The following CCDC27 variants were observed in gnomAD, a reference collection of about 807,000 sequenced individuals.
CCDC27 encodes coiled-coil domain-containing protein 27.
In CCDC27, 80 loss-of-function variants were observed where a neutral mutation model predicts 80.3. The observed-to-expected ratio is 1.00, with a 90% CI of 0.83 to 1.20. The LOEUF is 1.20. CCDC27 is among the 50% of genes most tolerant of loss of function. The pLI is 0.00. For synonymous variants in CCDC27, 342 were observed against 334.3 expected, an observed-to-expected ratio of 1.02 and a Z score of -0.25; for missense variants, 815 against 809.4, an observed-to-expected ratio of 1.01 and a Z score of -0.08.
chr1:3,763,466 T>G lies in CCDC27; in HGVS notation c.1313T>G (p.Leu438Arg). The G allele has an allele frequency of 6.3e-7, 1 of 1,599,256 alleles. No homozygotes were observed. The highest frequency in any genetic ancestry group is 8.5e-7 in the Non-Finnish European group (1 of 1,172,852). The change falls in exon 7 of 12, where the codon CTT becomes CGT. Residue 438 changes from leucine (L) to arginine (R), a missense_variant. Physicochemically the swap from Leu to Arg is moderately radical, Grantham distance 102. Transcript: ENST00000294600. The surrounding 1 kb of genome is among the most constrained non-coding windows in gnomAD (Gnocchi z 7.5). ...GAGGCCACCAGGACCAGATACTCCC[T>G]TGCAACAGGTAGGGCCTCGGCGGGG... ...NLEATRTRYS[L>R]ATGVIASLQQ...
At position 3,771,609 on chromosome 1, in the gene CCDC27, C is replaced by A; in HGVS notation, c.*86C>A. 6.9e-7 allele frequency: 1 copy of A among 1,450,858 alleles called. No individual in the cohort carries two copies. The highest frequency in any genetic ancestry group is 1.2e-5 in the South Asian group (1 of 81,566). 89.9% of individuals were successfully genotyped at this position (1,450,858 alleles called of 1,614,324 possible). A position where few individuals can be genotyped will look rare whatever the true frequency, so the allele number is the denominator to read the frequency against. Reference sequence around the variant, plus strand: ...ACCCGCCCCCACCATGCGTCCTGCTCTCAGACTCAGAATTAAACCCCGGTG... The same window carrying A: ...ACCCGCCCCCACCATGCGTCCTGCTATCAGACTCAGAATTAAACCCCGGTG... On this transcript the variant is annotated 3_prime_UTR_variant, in exon 12 of 12. Transcript: ENST00000294600.
chr1:3,764,903 T>C (rs1011054313), intron 8 of CCDC27, among the ~76,000 whole-genome samples: 1 of 151,868 alleles, frequency 6.6e-6, no homozygotes, highest in African/African-American at 2.4e-5. Context: ...GGTGTGATGG[T>C]GGATGCCTGT....
chr1:3,755,638 T>C, intron 3 of CCDC27, 71 bp downstream of exon 3: 1 of 1,286,008 alleles, frequency 7.8e-7, no homozygotes, highest in Non-Finnish European at 1.1e-6. Flanking sequence ...TCTTGCAGGG[T>C]CGCTGCTTGT....
intron 1 of CCDC27, 88 bp downstream of exon 1, chr1:3,752,887 C>A: frequency 7.1e-7 from 1 of 1,399,918 alleles, no homozygotes; most frequent in Admixed American, 2.2e-5. Flanking sequence ...TGTCAGCCCA[C>A]AAAGCATTCC....
At chr1:3,759,907 A>T (rs1218001427) in intron 4 of CCDC27, among the ~76,000 whole-genome samples, 1 of 152,224 alleles carries the variant, frequency 6.6e-6, no homozygotes, top group African/African-American at 2.4e-5. Flanking sequence ...TTACCAGGTC[A>T]TGCGTATGAA....
intron 2 of CCDC27, 54 bp downstream of exon 2, chr1:3,754,295 C>A: frequency 6.6e-7 from 1 of 1,513,602 alleles, no homozygotes; most frequent in Non-Finnish European, 8.8e-7. Context: ...AGTCGAGGGG[C>A]CGGGGGAGGC....
intron 4 of CCDC27, 102 bp downstream of exon 4, chr1:3,756,992 G>T: frequency 7.2e-7 from 1 of 1,381,918 alleles, no homozygotes; most frequent in Non-Finnish European, 9.8e-7. Context: ...CTAGTATCTG[G>T]TTAGCTGCAT....
Position 3,763,655 on chromosome 1 carries a change from C to T in CCDC27, c.1322-51C>T, listed in dbSNP as rs759683424. On this transcript the variant is annotated intron_variant, in intron 7 of 11. Coordinates refer to ENST00000294600, the MANE Select transcript of CCDC27 (RefSeq NM_152492.3). This position sits in a 1 kb window ranked among gnomAD's most constrained non-coding sequence, Gnocchi z 7.5. ...CAGTGGCCCGGCCCTCTCCTTCTGT[C>T]CCTCACTGCCCCTGCTTGCTCCTGC... 4.0e-5 allele frequency: 65 copies of T among 1,609,028 alleles called. No homozygotes were observed. Among genetic ancestry groups the T allele is most frequent in the Non-Finnish European group, 5.5e-5 (65 of 1,176,012 alleles).
At chr1:3,767,044 T>C (rs1194741688) in intron 9 of CCDC27, among the ~76,000 whole-genome samples, 189 bp from the exon 10 acceptor site, 1 of 152,070 alleles carries the variant, frequency 6.6e-6, no homozygotes, top group Non-Finnish European at 1.5e-5. Context: ...TTTCACCATG[T>C]TGGTCAGGCT....
At chr1:3,753,250 G>A (rs780553047) in intron 1 of CCDC27, among the ~76,000 whole-genome samples, 2 of 152,130 alleles carry the variant, frequency 1.3e-5, no homozygotes, top group Non-Finnish European at 2.9e-5. Flanking sequence ...TGGTCACCCC[G>A]GCTCCTGGCA....
At position 3,763,686 on chromosome 1, in the gene CCDC27, G is replaced by T; in HGVS notation, c.1322-20G>T. On this transcript the variant is annotated intron_variant, in intron 7 of 11. Coordinates refer to ENST00000294600, the MANE Select transcript of CCDC27 (RefSeq NM_152492.3). The surrounding 1 kb of genome is among the most constrained non-coding windows in gnomAD (Gnocchi z 7.5). ...CTGCCCCTGCTTGCTCCTGCTCACC[G>T]CCTCTGCCTCTGTGCCCAGGAGTGA... 6.2e-7 allele frequency: 1 copy of T among 1,613,900 alleles called. No homozygotes were observed. Among genetic ancestry groups the T allele is most frequent in the Non-Finnish European group, 8.5e-7 (1 of 1,179,860 alleles).
In CCDC27 at chr1:3,768,978, G is replaced by T. The variant is rs868800916; in HGVS notation, c.1744-805G>T. ...GACATTCCTGCTGTCACTTAAACCT[G>T]TCCGAGCGGCAGTGTGGACATGCTT... On this transcript the variant is annotated intron_variant, in intron 10 of 11. Coordinates refer to ENST00000294600, the MANE Select transcript of CCDC27 (RefSeq NM_152492.3). This position sits in a 1 kb window ranked among gnomAD's most constrained non-coding sequence, Gnocchi z 5.6. Among the ~76,000 whole-genome samples the T allele has an allele frequency of 5.9e-5, 9 of 152,324 alleles. No individual in the cohort carries two copies. In the Middle Eastern group the frequency reaches 0.01, roughly 173 times the overall value.
intron 5 of CCDC27, among the ~76,000 whole-genome samples, chr1:3,762,125 C>G (rs1037063116): frequency 4.6e-5 from 7 of 152,194 alleles, no homozygotes; most frequent in Non-Finnish European, 1.0e-4. Flanking sequence ...AGGAGACAGC[C>G]TGAGTTTATG....
Position 3,762,606 on chromosome 1 carries a change from C to G in CCDC27, c.862-14C>G. 6.5e-7 allele frequency: 1 copy of G among 1,549,166 alleles called. No individual in the cohort carries two copies. Among genetic ancestry groups the G allele is most frequent in the Non-Finnish European group, 8.7e-7 (1 of 1,145,412 alleles). On this transcript the variant is annotated splice_polypyrimidine_tract_variant and intron_variant, in intron 5 of 11. Transcript: ENST00000294600. ...AGGGGCTGGAAAGCTGAGGGTCCCA[C>G]GGGCGTCTTGCAGGAGCAGCTCTCA...
chr1:3,765,571 C>G (rs1004866891), intron 8 of CCDC27, among the ~76,000 whole-genome samples: 4 of 152,128 alleles, frequency 2.6e-5, no homozygotes, highest in Non-Finnish European at 5.9e-5. Context: ...TAATATTTTA[C>G]TCTGATGTTC....
intron 4 of CCDC27, among the ~76,000 whole-genome samples, chr1:3,757,568 A>G (rs1642987197): frequency 6.6e-6 from 1 of 151,792 alleles, no homozygotes; most frequent in African/African-American, 2.4e-5. Context: ...CAGCCTCCCA[A>G]GCAGCTGGGA....
rs1557634668 is a variant in CCDC27 at position 3,771,534 on chromosome 1, G to A, written c.*11G>A. 2 of 1,612,788 alleles carry A rather than the reference G, an allele frequency of 1.2e-6. No individual in the cohort carries two copies. The highest frequency in any genetic ancestry group is 2.2e-5 in the South Asian group (2 of 91,048). On this transcript the variant is annotated 3_prime_UTR_variant, in exon 12 of 12. Transcript: ENST00000294600. ...GGGACCTCCAAGTAGGCCCAGCCAG[G>A]CCCCCAAATACGGTCAGCCCAGCAG...
Position 3,771,404 on chromosome 1 carries a change from A to C in CCDC27, c.1852A>C (p.Ile618Leu). ...DNDILEALQR[I>L]ISERSDYYNQ... is the part of the protein sequence containing the mutation. ...GACGGCTGTGTTTCTTGTGTAGAGAATTATCTCAGAGAGAAGCGACTACTA... is the reference window on the plus strand; with the variant it reads ...GACGGCTGTGTTTCTTGTGTAGAGACTTATCTCAGAGAGAAGCGACTACTA... The change falls in exon 12 of 12, where the codon ATT becomes CTT. Residue 618 changes from isoleucine to leucine, a missense_variant. Coordinates refer to ENST00000294600, the MANE Select transcript of CCDC27 (RefSeq NM_152492.3). 1 of 1,613,966 alleles carries C rather than the reference A, an allele frequency of 6.2e-7. No individual in the cohort carries two copies. Among genetic ancestry groups the C allele is most frequent in the Non-Finnish European group, 8.5e-7 (1 of 1,179,908 alleles).
Position 3,754,133 on chromosome 1 carries a change from G to C in CCDC27, c.334G>C (p.Ala112Pro), listed in dbSNP as rs771718693. ...YYRKTSEPKD[A>P]ASLTGFMSKM... Reference sequence around the variant, plus strand: ...GCTCTGCCAGAGTGAACCCAAGGATGCCGCCAGCCTCACCGGCTTCATGTC... The same window carrying C: ...GCTCTGCCAGAGTGAACCCAAGGATCCCGCCAGCCTCACCGGCTTCATGTC... The change falls in exon 2 of 12, where the codon GCC becomes CCC. Residue 112 changes from alanine (A) to proline (P), a missense_variant. Ala to Pro is a conservative substitution (Grantham distance 27). Coordinates refer to ENST00000294600, the MANE Select transcript of CCDC27 (RefSeq NM_152492.3). The C allele has an allele frequency of 8.1e-5, 130 of 1,613,352 alleles. No individual in the cohort carries two copies. Among genetic ancestry groups the C allele is most frequent in the Non-Finnish European group, 1.0e-4 (122 of 1,179,738 alleles).
Sources: allele counts gnomAD v4.1 joint callset (sites outside exome capture counted in the v4.1 genomes callset), GRCh38; gene constraint gnomAD v4.1.1; non-coding constraint Gnocchi (gnomAD v3.1); transcripts MANE v1.5; gene names NCBI Gene and HGNC (gene_info 2026-07-23, HGNC 2026-07-21).